Variants in OLFM3 observed in about 807,000 individuals in gnomAD.
OLFM3 encodes the protein olfactomedin 3.
A neutral mutation model predicts 48.6 loss-of-function variants in OLFM3; 20 were observed. That is an observed-to-expected ratio of 0.41 (90% confidence interval 0.29 to 0.60). The LOEUF is 0.60. OLFM3 is among the 20% of genes least tolerant of loss of function. The pLI is 0.28. For synonymous variants in OLFM3, 222 were observed against 198.1 expected (o/e 1.12, Z -1.01); for missense variants, 437 against 544.3 (o/e 0.80, Z 1.96).
intron 1 of OLFM3, among the ~76,000 whole-genome samples, chr1:101,931,192 C>T (rs2101048306): frequency 6.6e-6 from 1 of 152,274 alleles, no homozygotes; most frequent in South Asian, 2.1e-4. Flanking sequence ...CATGACCTCA[C>T]CAAACTCATA....
intron 1 of OLFM3, among the ~76,000 whole-genome samples, chr1:101,968,693 T>G (rs948502034): frequency 5.3e-5 from 8 of 152,192 alleles, no homozygotes; most frequent in Non-Finnish European, 1.0e-4. Context: ...AATTAGCTAC[T>G]CACACTATAT....
chr1:101,873,073 T>C (rs1048920676), intron 1 of OLFM3, among the ~76,000 whole-genome samples: 1 of 151,940 alleles, frequency 6.6e-6, no homozygotes, highest in African/African-American at 2.4e-5. Flanking sequence ...ATTGCTAAAA[T>C]AAGATGAAGT....
Position 101,804,980 on chromosome 1 carries a change from A to T in OLFM3, c.700-65T>A, listed in dbSNP as rs2100857644. 7.9e-7 allele frequency: 1 copy of T among 1,262,968 alleles called. No homozygotes were observed. Among genetic ancestry groups the T allele is most frequent in the Admixed American group, 2.1e-5 (1 of 47,836 alleles). The allele number at this position is 1,262,968 out of a possible 1,614,324, so 78.2% of individuals were successfully genotyped here. On this transcript the variant is annotated intron_variant, in intron 5 of 5. Coordinates refer to ENST00000370103, the MANE Select transcript of OLFM3 (RefSeq NM_058170.4). This position sits in a 1 kb window ranked among gnomAD's most constrained non-coding sequence, Gnocchi z 4.5. The stretch of plus-strand genomic sequence containing the variant: ...TGTACTTTTCTGATAACCCCAAAAG[A>T]AAGACAGTGAGAGTCAACACTTATT...
intron 1 of OLFM3, among the ~76,000 whole-genome samples, chr1:101,860,302 C>T (rs1656599047): frequency 6.6e-6 from 1 of 151,978 alleles, no homozygotes; most frequent in Non-Finnish European, 1.5e-5. Context: ...TTATCTTGAA[C>T]TAAAAAAATA....
chr1:101,846,864 AG>A, intron 1 of OLFM3: 3 of 1,612,172 alleles, frequency 1.9e-6, no homozygotes, highest in Non-Finnish European at 2.5e-6. Flanking sequence ...CGGAGTCGAC[AG>A]CCTCGTGGTG....
At chr1:101,957,772 A>G (rs569387791) in intron 1 of OLFM3, among the ~76,000 whole-genome samples, 1 of 152,184 alleles carries the variant, frequency 6.6e-6, no homozygotes, top group South Asian at 2.1e-4. Flanking sequence ...AGACTATTAA[A>G]ATTGACAAAT....
At chr1:101,897,324 C>A (rs1469995244) in intron 1 of OLFM3, among the ~76,000 whole-genome samples, 2 of 152,066 alleles carry the variant, frequency 1.3e-5, no homozygotes, top group Admixed American at 6.5e-5. Context: ...GTACTTATAA[C>A]AAAATATTCT....
rs528068715 is a variant in OLFM3 at position 101,989,368 on chromosome 1, T to A, written c.69+7380A>T. On this transcript the variant is annotated intron_variant, in intron 1 of 5. Transcript: ENST00000370103. ...TTTTTTATTATTTCAGCAACATTTT[T>A]GAATGTTGCCATTGAAATTACCTGG... Among the ~76,000 whole-genome samples, 186 of 152,240 alleles carry A rather than the reference T, an allele frequency of 1.2e-3. 2 individuals carry two copies. The highest frequency in any genetic ancestry group is 3.4e-3 in the Middle Eastern group (1 of 292).
chr1:101,973,662 G>A (rs1207737060), intron 1 of OLFM3, among the ~76,000 whole-genome samples: 3 of 152,120 alleles, frequency 2.0e-5, no homozygotes, highest in Admixed American at 1.3e-4. Context: ...GGCTTTGAGA[G>A]TTAAAGAGTA....
chr1:101,963,881 A>T (rs1291590784), intron 1 of OLFM3, among the ~76,000 whole-genome samples: 1 of 152,122 alleles, frequency 6.6e-6, no homozygotes, highest in African/African-American at 2.4e-5. Flanking sequence ...TATTAAATGT[A>T]TTGTAAATAC....
At chr1:101,923,775 GACAGTT>G (rs1659175373) in intron 1 of OLFM3, among the ~76,000 whole-genome samples, 1 of 152,046 alleles carries the variant, frequency 6.6e-6, no homozygotes, top group African/African-American at 2.4e-5. Context: ...GCAGAACTTA[GACAGTT>G]ACAGTTACAG....
Position 101,882,484 on chromosome 1 carries a change from C to T in OLFM3, c.70-45459G>A, listed in dbSNP as rs371581646. On this transcript the variant is annotated intron_variant, in intron 1 of 5. Coordinates refer to ENST00000370103, the MANE Select transcript of OLFM3 (RefSeq NM_058170.4). ...AGCCATCTTTCATGTCTATGCAAAC[C>T]CAACTCAGTATAGGTTGCCAATCCT... The T allele has an allele frequency of 2.6e-5, 4 of 151,464 alleles. No individual in the cohort carries two copies. The East Asian group carries it at 7.8e-4, about 29-fold the overall frequency. The allele number at this position is 151,464 out of a possible 1,614,324, so 9.4% of individuals were successfully genotyped here.
At chr1:101,958,690 T>C (rs775044555) in intron 1 of OLFM3, among the ~76,000 whole-genome samples, 1 of 152,016 alleles carries the variant, frequency 6.6e-6, no homozygotes, top group Admixed American at 6.6e-5. Context: ...TGTATGAACA[T>C]GAGAGTGGAT....
intron 1 of OLFM3, among the ~76,000 whole-genome samples, chr1:101,932,606 T>C (rs1179465498): frequency 6.6e-6 from 1 of 151,998 alleles, no homozygotes; most frequent in East Asian, 1.9e-4. Flanking sequence ...CCTAACGGCA[T>C]GACAGAAGAT....
chr1:101,980,896 T>C (rs973943697), intron 1 of OLFM3, among the ~76,000 whole-genome samples: 1 of 152,202 alleles, frequency 6.6e-6, no homozygotes, highest in Non-Finnish European at 1.5e-5. Flanking sequence ...TGTCTTTCAA[T>C]GTATATGAAA....
At chr1:101,823,174 G>C (rs1036226715) in intron 4 of OLFM3, among the ~76,000 whole-genome samples, 4 of 151,962 alleles carry the variant, frequency 2.6e-5, no homozygotes, top group African/African-American at 9.7e-5. Context: ...GAACATGATA[G>C]ACATTGTTCT....
chr1:101,952,794 C>T (rs1401749407), intron 1 of OLFM3, among the ~76,000 whole-genome samples: 4 of 151,816 alleles, frequency 2.6e-5, no homozygotes, highest in African/African-American at 9.7e-5. Context: ...CAAGATCTTC[C>T]TGAGCTATCT....
At chr1:101,933,096 GGAGGCT>G (rs1659502075) in intron 1 of OLFM3, among the ~76,000 whole-genome samples, 1 of 150,632 alleles carries the variant, frequency 6.6e-6, no homozygotes, top group African/African-American at 2.4e-5. Context: ...CAGCTACTTG[GGAGGCT>G]GAGGCAGGAG....
intron 1 of OLFM3, among the ~76,000 whole-genome samples, chr1:101,976,547 G>C (rs1660957017): frequency 6.6e-6 from 1 of 152,154 alleles, no homozygotes; most frequent in South Asian, 2.1e-4. Context: ...CTGTCTTGCT[G>C]TGTTTTAGAT....
Sources: gnomAD v4.1 joint callset for allele counts (sites outside exome capture counted in the v4.1 genomes callset) on GRCh38, gnomAD v4.1.1 for gene constraint, Gnocchi (gnomAD v3.1) non-coding constraint, MANE v1.5 for transcripts, NCBI Gene and HGNC (gene_info 2026-07-23, HGNC 2026-07-21) for gene names.